Variants in DEPDC1B observed in about 807,000 individuals in gnomAD.
The protein encoded by DEPDC1B is DEP domain-containing protein 1B.
Under a neutral mutation model 66.5 loss-of-function variants are expected in DEPDC1B, and 51 were observed. The observed-to-expected ratio is 0.77, with a 90% CI of 0.61 to 0.97. DEPDC1B has a LOEUF of 0.97. Among genes scored for constraint, DEPDC1B ranks in the 50% least tolerant of loss-of-function variants. The probability of loss-of-function intolerance (pLI) is 0.00; values close to 1 mark genes in which losing one functional copy is unlikely to be tolerated. For synonymous variants in DEPDC1B, 226 were observed against 223.6 expected (o/e 1.01, Z -0.10); for missense variants, 552 against 637.1 (o/e 0.87, Z 1.44).
intron 2 of DEPDC1B, among the ~76,000 whole-genome samples, chr5:60,656,646 C>CAT (rs1753584349): frequency 6.6e-6 from 1 of 152,186 alleles, no homozygotes; most frequent in African/African-American, 2.4e-5. Context: ...AACTTACAAT[C>CAT]ATGGCAGAAG....
intron 7 of DEPDC1B, among the ~76,000 whole-genome samples, chr5:60,632,791 G>A (rs181133962): frequency 2.0e-5 from 3 of 152,308 alleles, no homozygotes; most frequent in Admixed American, 1.3e-4. Flanking sequence ...CCACAGCTGT[G>A]GGGATAATGC....
In DEPDC1B at chr5:60,605,727, A is replaced by G; in HGVS notation, c.1028T>C (p.Met343Thr). 1 of 1,613,052 alleles carries G rather than the reference A, an allele frequency of 6.2e-7. No homozygotes were observed. Residue 343 changes from methionine to threonine, a missense_variant, in exon 8 of 11, where the codon ATG (methionine) becomes ACG (threonine). Physicochemically the swap from Met to Thr is moderately conservative, Grantham distance 81. Transcript: ENST00000265036. ...ACCAAAGCCATCACACAGGGGTGGC[A>G]TCTCTTTGTTTAAGCAAATCCTTGC... The part of the protein sequence containing the change: ...MMARICLNKE[M>T]PPLCDGFGTR...
At chr5:60,634,877 T>C (rs1022230386) in intron 7 of DEPDC1B, among the ~76,000 whole-genome samples, 1 of 150,830 alleles carries the variant, frequency 6.6e-6, no homozygotes, top group African/African-American at 2.4e-5. Flanking sequence ...CCTTGGCCCA[T>C]CTGCATCTTT....
chr5:60,649,537 T>C lies in DEPDC1B; in HGVS notation c.315-2004A>G, dbSNP rs112840116. The stretch of plus-strand genomic sequence containing the variant: ...TACTTCTATTTCGGGCATTGAAAGT[T>C]AGCAATTTAATCCTAATATTTTAAT... On this transcript the variant is annotated intron_variant, in intron 2 of 10. Transcript: ENST00000265036. 9.1e-3 allele frequency among the ~76,000 whole-genome samples: 1,382 copies of C among 152,318 alleles called. 19 individuals carry two copies. Among genetic ancestry groups the C allele is most frequent in the African/African-American group, 0.03 (1,257 of 41,574 alleles).
At chr5:60,607,076 T>C (rs1303720255) in intron 7 of DEPDC1B, among the ~76,000 whole-genome samples, 2 of 152,032 alleles carry the variant, frequency 1.3e-5, no homozygotes, top group Non-Finnish European at 2.9e-5. Flanking sequence ...GAGAAACCCA[T>C]AAACAAATAA....
intron 6 of DEPDC1B, among the ~76,000 whole-genome samples, chr5:60,641,347 TTC>T (rs1444785962): frequency 7.4e-6 from 1 of 134,352 alleles, no homozygotes; most frequent in Non-Finnish European, 1.6e-5. Flanking sequence ...GCTGATCAAC[TTC>T]TTTTTTTTTT....
intron 2 of DEPDC1B, among the ~76,000 whole-genome samples, chr5:60,661,148 GGGTTATGAAATACTCA>G (rs1753706468): frequency 6.6e-6 from 1 of 152,142 alleles, no homozygotes; most frequent in Non-Finnish European, 1.5e-5. Flanking sequence ...TGGGGCAGCT[GGGTTATGAAATACTCA>G]GGAACCCAGC....
intron 7 of DEPDC1B, among the ~76,000 whole-genome samples, chr5:60,613,001 C>G (rs1269714205): frequency 1.3e-5 from 2 of 152,212 alleles, no homozygotes; most frequent in African/African-American, 4.8e-5. Context: ...GAGCAACATG[C>G]TACTTTTTAA....
At chr5:60,617,160 A>G (rs187118676) in intron 7 of DEPDC1B, among the ~76,000 whole-genome samples, 1 of 152,178 alleles carries the variant, frequency 6.6e-6, no homozygotes, top group Non-Finnish European at 1.5e-5. Flanking sequence ...AAAGGAACAT[A>G]CGGTACCAGC....
intron 2 of DEPDC1B, among the ~76,000 whole-genome samples, chr5:60,667,821 T>C (rs904762144): frequency 7.9e-6 from 1 of 126,068 alleles, no homozygotes; most frequent in Non-Finnish European, 1.6e-5. Flanking sequence ...AAAAAATGGA[T>C]ATTTTACATA....
intron 7 of DEPDC1B, among the ~76,000 whole-genome samples, chr5:60,633,565 G>A (rs1445663653): frequency 6.6e-6 from 1 of 152,154 alleles, no homozygotes; most frequent in Admixed American, 6.5e-5. Flanking sequence ...GAGCAGAACT[G>A]AGTCACCCCA....
chr5:60,681,569 A>G (rs192317368), intron 2 of DEPDC1B, among the ~76,000 whole-genome samples: 1 of 152,348 alleles, frequency 6.6e-6, no homozygotes, highest in African/African-American at 2.4e-5. Context: ...ATACACAGAT[A>G]ACAACATTGA....
intron 2 of DEPDC1B, 107 bp downstream of exon 2, chr5:60,686,855 T>C: frequency 7.3e-7 from 1 of 1,375,032 alleles, no homozygotes. Context: ...GACCCACTGT[T>C]CAGTGAACAA....
intron 2 of DEPDC1B, among the ~76,000 whole-genome samples, chr5:60,666,697 G>A (rs1204361435): frequency 2.0e-5 from 3 of 152,100 alleles, no homozygotes; most frequent in Non-Finnish European, 2.9e-5. Flanking sequence ...ACTCTGTGAG[G>A]GTCCTTGGTT....
intron 2 of DEPDC1B, among the ~76,000 whole-genome samples, chr5:60,684,338 G>T (rs1584101345): frequency 1.3e-5 from 2 of 152,218 alleles, no homozygotes; most frequent in South Asian, 4.1e-4. Flanking sequence ...CACACTACCT[G>T]ACATCAAAAT....
intron 10 of DEPDC1B, 106 bp from the exon 11 acceptor site, chr5:60,598,020 GT>G: frequency 1.0e-6 from 1 of 962,372 alleles, no homozygotes; most frequent in Non-Finnish European, 1.5e-6. Flanking sequence ...TCCTGTTTTT[GT>G]TTATTTTTGT....
In DEPDC1B at chr5:60,597,638, T is replaced by A. The variant is rs1001835217; in HGVS notation, c.*115A>T. On this transcript the variant is annotated 3_prime_UTR_variant, in exon 11 of 11. Transcript: ENST00000265036. ...AACTAAGGCAATCTTTATCTATATT[T>A]CAGTAGTCTTTGTTTTATGCTTTTC... is the stretch of plus-strand genomic sequence containing the variant. 2 of 1,151,916 alleles carry A rather than the reference T, an allele frequency of 1.7e-6. No individual in the cohort carries two copies. Among genetic ancestry groups the A allele is most frequent in the Admixed American group, 5.3e-5 (2 of 37,840 alleles). 71.4% of individuals were successfully genotyped at this position (1,151,916 alleles called of 1,614,324 possible).
At chr5:60,613,947 C>A (rs1752479232) in intron 7 of DEPDC1B, among the ~76,000 whole-genome samples, 1 of 152,074 alleles carries the variant, frequency 6.6e-6, no homozygotes, top group African/African-American at 2.4e-5. Context: ...CAGTTAAGTT[C>A]TTTGTACCAG....
chr5:60,699,443 G>GAACAAA (rs1754727878), intron 1 of DEPDC1B, among the ~76,000 whole-genome samples: 1 of 89,380 alleles, frequency 1.1e-5, no homozygotes, highest in East Asian at 3.0e-4. Flanking sequence ...TTTTCTCCCA[G>GAACAAA]AAAAAAAAAA....
Sources: allele counts gnomAD v4.1 joint callset (sites outside exome capture counted in the v4.1 genomes callset), GRCh38; gene constraint gnomAD v4.1.1; transcripts MANE v1.5; gene names NCBI Gene and HGNC (gene_info 2026-07-23, HGNC 2026-07-21).